ERP27: variants seen among roughly 807,000 people sequenced by gnomAD.
ERP27 encodes endoplasmic reticulum resident protein 27.
ERP27 carries 23 observed loss-of-function variants against 27.7 expected under a neutral mutation model. That is an observed-to-expected ratio of 0.83 (90% CI 0.60 to 1.18). The LOEUF (loss-of-function observed/expected upper bound fraction) is 1.18. Ranked by LOEUF, ERP27 falls within the 50% of genes most tolerant of loss-of-function variation. The pLI is 0.00. For missense variants in ERP27, 363 were observed against 327.9 expected, an observed-to-expected ratio of 1.11 and a Z score of -0.83; for synonymous variants, 159 against 118.3, an observed-to-expected ratio of 1.34 and a Z score of -2.23.
At chr12:14,931,026 C>A (rs1316774414) in intron 3 of ERP27, among the ~76,000 whole-genome samples, 2 of 152,120 alleles carry the variant, frequency 1.3e-5, no homozygotes, top group Non-Finnish European at 2.9e-5. Flanking sequence ...TCTTCAGGGT[C>A]AAGTGCTTAA....
chr12:14,929,139 C>A, intron 3 of ERP27: 1 of 1,436,450 alleles, frequency 7.0e-7, no homozygotes, highest in Non-Finnish European at 9.1e-7. Context: ...GATCAAGAAT[C>A]CCCCCCTCCC....
At position 14,938,431 on chromosome 12, in the gene ERP27, T is replaced by A. The variant is rs1863804488; in HGVS notation, c.78A>T (p.Glu26Asp). 6.2e-7 allele frequency: 1 copy of A among 1,613,992 alleles called. No individual in the cohort carries two copies. Among genetic ancestry groups the A allele is most frequent in the African/African-American group, 1.3e-5 (1 of 74,924 alleles). The change falls in exon 1 of 7, where the codon GAA becomes GAT. Residue 26 changes from glutamate to aspartate, a missense_variant. Coordinates refer to ENST00000266397, the MANE Select transcript of ERP27 (RefSeq NM_152321.4). ...TCELAAEVAA[E>D]VEKSSDGPGA... ...TTCTTTTACCTGAGGATTTCTCAAC[T>A]TCTGCAGCAACTTCTGCAGCCAGCT...
At chr12:14,920,437 G>T (rs1484838213) in intron 4 of ERP27, among the ~76,000 whole-genome samples, 1 of 152,182 alleles carries the variant, frequency 6.6e-6, no homozygotes, top group Non-Finnish European at 1.5e-5. Flanking sequence ...ACATTCCTGT[G>T]ACATCCAAAT....
chr12:14,920,612 T>C (rs968345705), intron 4 of ERP27, among the ~76,000 whole-genome samples: 2 of 152,198 alleles, frequency 1.3e-5, no homozygotes, highest in African/African-American at 4.8e-5. Flanking sequence ...ACACGAGTGA[T>C]CCTCATGCTT....
Position 14,937,964 on chromosome 12 carries a change from T to G in ERP27, c.183A>C (p.Ile61=). Residue 61 remains isoleucine (I), a synonymous_variant, in exon 2 of 7, where the codon ATA becomes ATC. Coordinates refer to ENST00000266397, the MANE Select transcript of ERP27 (RefSeq NM_152321.4). ...EFIAATEVAV[I]GFFQDLEIPA... The stretch of plus-strand genomic sequence containing the variant: ...GTAGGGAACTAACCTGGAAGAAGCC[T>G]ATGACAGCCACCTCAGTGGCAGCAA... 1 of 1,613,920 alleles carries G rather than the reference T, an allele frequency of 6.2e-7. No individual in the cohort carries two copies. Among genetic ancestry groups the G allele is most frequent in the Non-Finnish European group, 8.5e-7 (1 of 1,179,870 alleles).
intron 4 of ERP27, among the ~76,000 whole-genome samples, chr12:14,919,076 C>T (rs549465211): frequency 7.9e-5 from 12 of 152,244 alleles, no homozygotes; most frequent in African/African-American, 2.6e-4. Flanking sequence ...ATTAAAAGTG[C>T]GTGGCAGGTC....
chr12:14,938,016 G>A lies in ERP27; in HGVS notation c.131C>T (p.Thr44Ile), dbSNP rs767231700. The change falls in exon 2 of 7, where the codon ACA (threonine) becomes ATA (isoleucine). Residue 44 changes from threonine to isoleucine, a missense_variant. Coordinates refer to ENST00000266397, the MANE Select transcript of ERP27 (RefSeq NM_152321.4). ...GAATTCCATGGCAGCTGGGACATCT[G>A]TGAGCCACGTGGGTTCCTGGGCAGC... ...PGAAQEPTWL[T>I]DVPAAMEFIA... The A allele has an allele frequency of 6.8e-6, 11 of 1,614,146 alleles. No homozygotes were observed. In the South Asian group the frequency reaches 1.1e-4, roughly 16 times the overall value.
chr12:14,918,998 A>G (rs1863456833), intron 4 of ERP27, among the ~76,000 whole-genome samples: 1 of 152,180 alleles, frequency 6.6e-6, no homozygotes, highest in African/African-American at 2.4e-5. Context: ...GGCAGAAGGG[A>G]TTGACCATAG....
At chr12:14,934,698 G>C (rs1002637585) in intron 3 of ERP27, among the ~76,000 whole-genome samples, 158 bp downstream of exon 3, 3 of 152,088 alleles carry the variant, frequency 2.0e-5, no homozygotes, top group Non-Finnish European at 4.4e-5. Flanking sequence ...TACCTGTTTG[G>C]GAAGCTTGAA....
rs1441275767 is a variant in ERP27 at position 14,928,953 on chromosome 12, C to A, written c.333+5903G>T. 3.3e-6 allele frequency: 5 copies of A among 1,535,278 alleles called. No homozygotes were observed. The South Asian group carries it at 5.9e-5, about 18-fold the overall frequency. ...TTAATGCTGCTACCGACCTGTATTTCCAGCTGGCAAGTCTCCTTCATACTT... is the reference window on the plus strand; with the variant it reads ...TTAATGCTGCTACCGACCTGTATTTACAGCTGGCAAGTCTCCTTCATACTT... On this transcript the variant is annotated intron_variant, in intron 3 of 6. Coordinates refer to ENST00000266397, the MANE Select transcript of ERP27 (RefSeq NM_152321.4).
intron 3 of ERP27, among the ~76,000 whole-genome samples, chr12:14,921,799 TG>T (rs753541666): frequency 6.6e-5 from 10 of 152,284 alleles, no homozygotes; most frequent in Admixed American, 2.0e-4. Context: ...CTTTTTTTTT[TG>T]CCAAAGGTAT....
chr12:14,931,094 G>A (rs1297545972), intron 3 of ERP27, among the ~76,000 whole-genome samples: 3 of 152,092 alleles, frequency 2.0e-5, no homozygotes, highest in African/African-American at 7.2e-5. Context: ...TGCTGGGTAC[G>A]AATCAGACAT....
At chr12:14,928,890 G>A in intron 3 of ERP27, 1 of 1,501,748 alleles carries the variant, frequency 6.7e-7, no homozygotes, top group Non-Finnish European at 9.0e-7. Flanking sequence ...AATAAAATGA[G>A]CACACAAAAA....
rs1259940243 is a variant in ERP27 at position 14,917,322 on chromosome 12, T to G, written c.451-19A>C. On this transcript the variant is annotated intron_variant, in intron 4 of 6. Transcript: ENST00000266397. ...TCACAGTCTGGCAAGTCGAAATGTG[T>G]TACAGTAGAGTGAAAGCGAGAAAGA... 3 of 1,613,930 alleles carry G rather than the reference T, an allele frequency of 1.9e-6. No individual in the cohort carries two copies. In the East Asian group the frequency reaches 6.7e-5, roughly 36 times the overall value.
chr12:14,932,127 G>A (rs951876751), intron 3 of ERP27, among the ~76,000 whole-genome samples: 6 of 152,130 alleles, frequency 3.9e-5, no homozygotes, highest in African/African-American at 1.4e-4. Context: ...GGTGCCAGAG[G>A]TGTATTATAG....
At chr12:14,932,833 G>A (rs990468791) in intron 3 of ERP27, among the ~76,000 whole-genome samples, 2 of 152,182 alleles carry the variant, frequency 1.3e-5, no homozygotes, top group African/African-American at 4.8e-5. Flanking sequence ...TGGCAAAAAT[G>A]TAAGACCAAA....
In ERP27 at chr12:14,926,839, C is replaced by A. The variant is rs190675151; in HGVS notation, c.334-5791G>T. On this transcript the variant is annotated intron_variant, in intron 3 of 6. Transcript: ENST00000266397. ...TCTTCAATATACACTGACATTTATGCACATATTTGCATTTTAGCTTCTCTT... is the reference window on the plus strand; with the variant it reads ...TCTTCAATATACACTGACATTTATGAACATATTTGCATTTTAGCTTCTCTT... Among the ~76,000 whole-genome samples, 85 of 152,282 alleles carry A rather than the reference C, an allele frequency of 5.6e-4. 1 individual carries two copies. The highest frequency in any genetic ancestry group is 3.3e-3 in the South Asian group (16 of 4,832).
Position 14,921,033 on chromosome 12 carries a change from G to T in ERP27, c.349C>A (p.Leu117Met). The change falls in exon 4 of 7, where the codon CTG becomes ATG. Residue 117 changes from leucine to methionine, a missense_variant. By Grantham distance (15) the Leu-to-Met change is conservative. Transcript: ENST00000266397. ...TCAATGTCTTCGTCCTCTAAATTCA[G>T]TTGTTCATTGTCTACCTGGATAACA... is the stretch of plus-strand genomic sequence containing the variant. Reference protein sequence around the residue: ...CLFRLVDNEQLNLEDEDIESI... With the variant: ...CLFRLVDNEQMNLEDEDIESI... 1 of 1,613,746 alleles carries T rather than the reference G, an allele frequency of 6.2e-7. No homozygotes were observed. The highest frequency in any genetic ancestry group is 1.3e-5 in the African/African-American group (1 of 75,004).
At chr12:14,920,321 AG>A (rs1863481852) in intron 4 of ERP27, among the ~76,000 whole-genome samples, 1 of 152,302 alleles carries the variant, frequency 6.6e-6, no homozygotes, top group East Asian at 1.9e-4. Flanking sequence ...TGCTAGTCAA[AG>A]CATGGTTTGC....
Sources: gnomAD v4.1 joint callset for allele counts (sites outside exome capture counted in the v4.1 genomes callset) on GRCh38, gnomAD v4.1.1 for gene constraint, MANE v1.5 for transcripts, NCBI Gene and HGNC (gene_info 2026-07-23, HGNC 2026-07-21) for gene names.